Variants in CPA5 observed in about 807,000 individuals in gnomAD.
The protein encoded by CPA5 is testicular tissue protein Li 32.
Under a neutral mutation model 52.2 loss-of-function variants are expected in CPA5, and 38 were observed. The observed-to-expected ratio is 0.73, with a 90% confidence interval of 0.56 to 0.95. The LOEUF (loss-of-function observed/expected upper bound fraction) is 0.95, where lower values mean the gene tolerates loss of function less well. Among genes scored for constraint, CPA5 ranks in the 40% least tolerant of loss-of-function variants. CPA5 has a pLI of 0.00. For missense variants in CPA5, 519 were observed against 566.7 expected (o/e 0.92, Z 0.86); for synonymous variants, 198 against 213.7 (o/e 0.93, Z 0.64).
chr7:130,373,659 A>G (rs118082920), downstream of CPA5, among the ~76,000 whole-genome samples: 312 of 152,378 alleles, frequency 2.0e-3, no homozygotes, highest in East Asian at 0.024. Context: ...CCCAGACAGA[A>G]AACGACTTTA....
intron 11 of CPA5, 108 bp from the exon 12 acceptor site, chr7:130,367,798 A>G: frequency 4.9e-6 from 5 of 1,023,276 alleles, no homozygotes; most frequent in African/African-American, 1.6e-5. Flanking sequence ...TCCACCTTCA[A>G]CTTCCAGGAC....
intron 5 of CPA5, among the ~76,000 whole-genome samples, chr7:130,356,193 T>TC (rs11406302): frequency 0.7 from 106,225 of 151,958 alleles, 37,327 homozygotes; most frequent in African/African-American, 0.77. Flanking sequence ...CTGTGAGAGA[T>TC]CTGCTCTCCT....
intron 6 of CPA5, among the ~76,000 whole-genome samples, chr7:130,360,265 C>T (rs564549877): frequency 1.1e-4 from 16 of 152,374 alleles, no homozygotes; most frequent in East Asian, 7.7e-4. Flanking sequence ...GCTCTCAGCC[C>T]GTGACCAGTC....
At chr7:130,346,066 C>T (rs1794714224) in intron 2 of CPA5, among the ~76,000 whole-genome samples, 170 bp downstream of exon 2, 2 of 152,062 alleles carry the variant, frequency 1.3e-5, no homozygotes, top group African/African-American at 4.8e-5. Context: ...GAGGATATGG[C>T]CCAGGGAAAG....
Position 130,358,284 on chromosome 7 carries a change from C to T in CPA5, c.334-1305C>T, listed in dbSNP as rs189174271. ...AAAGTGCTGCGTTTACAGGTGTGAG[C>T]CACCATGCCCAACCTGCATATGTGT... On this transcript the variant is annotated intron_variant, in intron 5 of 12. Transcript: ENST00000474905. Among the ~76,000 whole-genome samples the T allele has an allele frequency of 5.4e-3, 815 of 152,248 alleles. 1 individual carries two copies. The highest frequency in any genetic ancestry group is 7.9e-3 in the Non-Finnish European group (538 of 68,002).
rs782766553 is a variant in CPA5, at chr7:130,350,048, A to G, written c.272A>G (p.Asp91Gly). Residue 91 changes from aspartate to glycine, a missense_variant, in exon 5 of 13, where the codon GAC (aspartate) becomes GGC (glycine). Coordinates refer to ENST00000474905, the MANE Select transcript of CPA5 (RefSeq NM_080385.5). ...AGAGTTCCTTTCTCTGAACTGAAAG[A>G]CATCAAAGCTTATCTGGAGTCTCAT... is the stretch of plus-strand genomic sequence containing the variant. ...DMRVPFSELKDIKAYLESHGL... is the reference protein window; with the variant it reads ...DMRVPFSELKGIKAYLESHGL... 2 of 1,614,138 alleles carry G rather than the reference A, an allele frequency of 1.2e-6. No individual in the cohort carries two copies. Among genetic ancestry groups the G allele is most frequent in the South Asian group, 1.1e-5 (1 of 91,070 alleles).
intron 5 of CPA5, among the ~76,000 whole-genome samples, chr7:130,355,974 T>C (rs1003174101): frequency 6.6e-6 from 1 of 152,162 alleles, no homozygotes; most frequent in Non-Finnish European, 1.5e-5. Flanking sequence ...AGGGGGTCCA[T>C]TCTGAAAACT....
chr7:130,362,756 C>G, intron 8 of CPA5, 128 bp from the exon 9 acceptor site: 1 of 658,700 alleles, frequency 1.5e-6, no homozygotes, highest in Non-Finnish European at 2.6e-6. Context: ...GCCTTTGGTT[C>G]TGCATAAAAG....
intron 5 of CPA5, among the ~76,000 whole-genome samples, chr7:130,351,072 C>T (rs923815131): frequency 6.6e-6 from 1 of 152,214 alleles, no homozygotes; most frequent in Non-Finnish European, 1.5e-5. Context: ...AGGGGATCAA[C>T]GCATCAGGCA....
intron 4 of CPA5, among the ~76,000 whole-genome samples, chr7:130,348,788 C>T (rs782660634): frequency 1.1e-4 from 16 of 152,336 alleles, no homozygotes; most frequent in Non-Finnish European, 1.8e-4. Flanking sequence ...GGTTTCATTA[C>T]GGAACTGGGG....
downstream of CPA5, among the ~76,000 whole-genome samples, chr7:130,373,588 G>A (rs571831325): frequency 6.5e-4 from 99 of 152,352 alleles, no homozygotes; most frequent in Non-Finnish European, 1.1e-3. Flanking sequence ...AGTGCAGTGA[G>A]GGGCCCTTCA....
At chr7:130,362,687 T>C in intron 8 of CPA5, 148 bp downstream of exon 8, 1 of 665,006 alleles carries the variant, frequency 1.5e-6, no homozygotes, top group Non-Finnish European at 2.6e-6. Flanking sequence ...CGTGCACTCT[T>C]ACCTTTTGCA....
Position 130,361,209 on chromosome 7 carries a change from A to G in CPA5, c.499A>G (p.Asn167Asp). 1 of 1,614,114 alleles carries G rather than the reference A, an allele frequency of 6.2e-7. No individual in the cohort carries two copies. The highest frequency in any genetic ancestry group is 8.5e-7 in the Non-Finnish European group (1 of 1,179,930). The change falls in exon 7 of 13, where the codon AAC becomes GAC. Residue 167 changes from asparagine (N) to aspartate (D), a missense_variant. Asn to Asp is a conservative substitution (Grantham distance 23). Coordinates refer to ENST00000474905, the MANE Select transcript of CPA5 (RefSeq NM_080385.5). Reference protein sequence around the residue: ...SDIVSKIQIGNSFENQSILVL... With the variant: ...SDIVSKIQIGDSFENQSILVL... ...TATTGTCTCAAAAATTCAGATTGGC[A>G]ACAGCTTTGAAAACCAGTCCATTCT...
At position 130,362,525 on chromosome 7, in the gene CPA5, T is replaced by G; in HGVS notation, c.622T>G (p.Trp208Gly). The G allele has an allele frequency of 6.2e-7, 1 of 1,612,950 alleles. No individual in the cohort carries two copies. The highest frequency in any genetic ancestry group is 8.5e-7 in the Non-Finnish European group (1 of 1,179,062). Residue 208 changes from tryptophan to glycine, a missense_variant, in exon 8 of 13, where the codon TGG (tryptophan) becomes GGG (glycine). Transcript: ENST00000474905. ...REWITHATGIWTANKIVSDYG... is the reference protein window; with the variant it reads ...REWITHATGIGTANKIVSDYG... The stretch of plus-strand genomic sequence containing the variant: ...GTGGATCACCCATGCCACCGGCATC[T>G]GGACTGCCAATAAGGTCAGCATGGA...
chr7:130,353,084 C>T (rs1795269411), intron 5 of CPA5, among the ~76,000 whole-genome samples: 1 of 152,058 alleles, frequency 6.6e-6, no homozygotes, highest in Non-Finnish European at 1.5e-5. Flanking sequence ...TAGTGGATCA[C>T]TCTCATCACC....
downstream of CPA5, among the ~76,000 whole-genome samples, chr7:130,371,584 T>G (rs150024428): frequency 3.9e-5 from 6 of 152,086 alleles, no homozygotes; most frequent in African/African-American, 7.2e-5. Flanking sequence ...CTTTTTTTTT[T>G]TTTGAGACGG....
chr7:130,371,782 C>T (rs1796297485), downstream of CPA5, among the ~76,000 whole-genome samples: 5 of 152,298 alleles, frequency 3.3e-5, no homozygotes, highest in South Asian at 1.0e-3. Context: ...GTTTCGAACT[C>T]CTGACCTCAT....
intron 4 of CPA5, among the ~76,000 whole-genome samples, chr7:130,348,610 TC>T (rs1478854042): frequency 6.6e-6 from 1 of 152,192 alleles, no homozygotes; most frequent in Non-Finnish European, 1.5e-5. Flanking sequence ...TGTGTTCATG[TC>T]CCAGATGATG....
Position 130,347,821 on chromosome 7 carries a change from G to T in CPA5, c.172G>T (p.Asp58Tyr). Residue 58 changes from aspartate to tyrosine, a missense_variant, in exon 4 of 13, where the codon GAT becomes TAT. Physicochemically the swap from Asp to Tyr is radical, Grantham distance 160. Coordinates refer to ENST00000474905, the MANE Select transcript of CPA5 (RefSeq NM_080385.5). ...KDEKQLSLLG[D>Y]LEGLKPQKVD... ...TGAGAAGCAGCTTTCACTTCTCGGG[G>T]ATCTGGAGGGCCTGAAACCCCAGAA... 2 of 1,614,070 alleles carry T rather than the reference G, an allele frequency of 1.2e-6. No homozygotes were observed. Among genetic ancestry groups the T allele is most frequent in the Non-Finnish European group, 1.7e-6 (2 of 1,180,002 alleles).
Sources: allele counts gnomAD v4.1 joint callset (sites outside exome capture counted in the v4.1 genomes callset), GRCh38; gene constraint gnomAD v4.1.1; transcripts MANE v1.5; gene names NCBI Gene and HGNC (gene_info 2026-07-23, HGNC 2026-07-21).